The following CADPS variants were observed in gnomAD, a reference collection of about 807,000 sequenced individuals.
The protein encoded by CADPS is calcium-dependent secretion activator 1.
In CADPS, 57 loss-of-function variants were observed where a neutral mutation model predicts 167.3. That is an observed-to-expected ratio of 0.34 (90% CI 0.28 to 0.42). CADPS has a LOEUF of 0.42. Among genes scored for constraint, CADPS ranks in the 20% least tolerant of loss-of-function variants. The probability of loss-of-function intolerance (pLI) is 1.00; values close to 1 mark genes in which losing one functional copy is unlikely to be tolerated. For synonymous variants in CADPS, 676 were observed against 635.3 expected, an observed-to-expected ratio of 1.06 and a Z score of -0.96; for missense variants, 1,414 against 1,738.1, an observed-to-expected ratio of 0.81 and a Z score of 3.32.
intron 3 of CADPS, among the ~76,000 whole-genome samples, chr3:62,670,622 T>C (rs1376131112): frequency 6.6e-6 from 1 of 151,954 alleles, no homozygotes; most frequent in Non-Finnish European, 1.5e-5. Flanking sequence ...GGCAATGCAG[T>C]AAATATAACC....
At chr3:62,694,276 T>C (rs565248914) in intron 3 of CADPS, among the ~76,000 whole-genome samples, 1 of 152,168 alleles carries the variant, frequency 6.6e-6, no homozygotes, top group South Asian at 2.1e-4. Flanking sequence ...GATAAATCTA[T>C]GTTTAACTGA....
In CADPS at chr3:62,481,759, G is replaced by T; in HGVS notation, c.3137C>A (p.Ser1046Ter). ...TATAGCAGCCATCCATGACGGTGCC[G>T]AAAAAGTAGGCATTTGTGGGATGCC... is the stretch of plus-strand genomic sequence containing the variant. ...PLGIPQMPTF[S>*]APSWMAAIYD... Residue 1046 changes from serine to a stop codon, truncating the protein, a stop_gained, in exon 22 of 30, where the codon TCG becomes TAG. Transcript: ENST00000383710. LOFTEE classifies it high-confidence loss of function. 6.2e-7 allele frequency: 1 copy of T among 1,609,060 alleles called. No homozygotes were observed. Among genetic ancestry groups the T allele is most frequent in the Non-Finnish European group, 8.5e-7 (1 of 1,178,448 alleles).
chr3:62,623,486 C>T (rs949617572), intron 6 of CADPS, among the ~76,000 whole-genome samples: 2 of 152,172 alleles, frequency 1.3e-5, no homozygotes. Flanking sequence ...AGTCCTATCC[C>T]TGGACACCAT....
intron 3 of CADPS, among the ~76,000 whole-genome samples, chr3:62,677,939 G>A (rs1482562235): frequency 6.6e-6 from 1 of 152,028 alleles, no homozygotes; most frequent in African/African-American, 2.4e-5. Context: ...GTGCTTTGGG[G>A]TTTTTTCTCA....
At chr3:62,846,327 T>C (rs2077427419) in intron 1 of CADPS, among the ~76,000 whole-genome samples, 1 of 152,234 alleles carries the variant, frequency 6.6e-6, no homozygotes, top group African/African-American at 2.4e-5. Context: ...AGCAACGTGT[T>C]GTGCTTCCAT....
intron 3 of CADPS, among the ~76,000 whole-genome samples, chr3:62,718,986 T>C (rs1413439437): frequency 6.6e-6 from 1 of 152,188 alleles, no homozygotes; most frequent in African/African-American, 2.4e-5. Flanking sequence ...AGAACATTTT[T>C]CGTGAGGGGA....
intron 1 of CADPS, among the ~76,000 whole-genome samples, chr3:62,779,961 A>G (rs959426967): frequency 2.6e-5 from 4 of 152,238 alleles, no homozygotes; most frequent in African/African-American, 9.6e-5. Flanking sequence ...GCAGTTTCTC[A>G]TCATTGAGAG....
intron 6 of CADPS, among the ~76,000 whole-genome samples, chr3:62,630,246 AAC>A (rs1324635972): frequency 6.6e-6 from 1 of 152,324 alleles, no homozygotes; most frequent in East Asian, 1.9e-4. Flanking sequence ...GGAGAGTTAA[AAC>A]ACATAAACAG....
intron 1 of CADPS, among the ~76,000 whole-genome samples, chr3:62,825,853 A>G (rs1002194270): frequency 2.0e-5 from 3 of 152,004 alleles, no homozygotes; most frequent in African/African-American, 7.2e-5. Context: ...TTTCTCTCCT[A>G]CCCTCAGCCA....
At position 62,492,342 on chromosome 3, in the gene CADPS, T is replaced by A. The variant is rs776356195; in HGVS notation, c.2832A>T (p.Thr944=). 1 of 1,614,034 alleles carries A rather than the reference T, an allele frequency of 6.2e-7. No homozygotes were observed. The highest frequency in any genetic ancestry group is 2.2e-5 in the East Asian group (1 of 44,872). ...DAALEVQPPD[T]WDSFPLFQLL... ...GCTGAAATAGTGGAAAACTGTCCCA[T>A]GTGTCTGGAGGTTGCACCTCTAAGG... The change falls in exon 20 of 30, where the codon ACA becomes ACT. Residue 944 remains threonine (T), a synonymous_variant. Coordinates refer to ENST00000383710, the MANE Select transcript of CADPS (RefSeq NM_003716.4).
At chr3:62,624,745 T>C (rs1579057927) in intron 6 of CADPS, among the ~76,000 whole-genome samples, 1 of 152,176 alleles carries the variant, frequency 6.6e-6, no homozygotes, top group East Asian at 1.9e-4. Flanking sequence ...ATTTGTAAAG[T>C]GGGAATGATA....
At chr3:62,487,332 G>A (rs1444979257) in intron 21 of CADPS, among the ~76,000 whole-genome samples, 8 of 152,204 alleles carry the variant, frequency 5.3e-5, no homozygotes, top group African/African-American at 1.9e-4. Flanking sequence ...AGCTAACACT[G>A]AAGAGCTGAT....
At chr3:62,689,320 A>C (rs1205438832) in intron 3 of CADPS, among the ~76,000 whole-genome samples, 1 of 152,106 alleles carries the variant, frequency 6.6e-6, no homozygotes, top group African/African-American at 2.4e-5. Context: ...GGAAATGTGA[A>C]TCTAAAGAGA....
chr3:62,575,740 TC>T (rs911210718), intron 8 of CADPS, among the ~76,000 whole-genome samples: 3 of 152,206 alleles, frequency 2.0e-5, no homozygotes, highest in Admixed American at 6.5e-5. Context: ...AACTTTGGTT[TC>T]TTTTTTTGAA....
chr3:62,731,358 T>C (rs927923986), intron 3 of CADPS, among the ~76,000 whole-genome samples: 2 of 152,248 alleles, frequency 1.3e-5, no homozygotes, highest in Admixed American at 6.5e-5. Flanking sequence ...GGTGTAAGGC[T>C]GCTGCCTACT....
chr3:62,611,368 C>T (rs897539951), intron 6 of CADPS, among the ~76,000 whole-genome samples: 5 of 152,212 alleles, frequency 3.3e-5, no homozygotes, highest in Admixed American at 6.5e-5. Flanking sequence ...ACCACTTACA[C>T]TCATTCCACC....
chr3:62,403,049 T>C, intron 29 of CADPS, 32 bp downstream of exon 29: 2 of 1,367,978 alleles, frequency 1.5e-6, no homozygotes, highest in Non-Finnish European at 1.0e-6. Context: ...AGTAAGCTAT[T>C]TGCAAAGAAG....
intron 28 of CADPS, among the ~76,000 whole-genome samples, chr3:62,408,913 T>C (rs1474836423): frequency 1.3e-5 from 2 of 152,222 alleles, no homozygotes; most frequent in Non-Finnish European, 2.9e-5. Flanking sequence ...CTTTAGAGTC[T>C]ACTGTTTTCA....
chr3:62,588,320 A>C (rs2085133371), intron 7 of CADPS, among the ~76,000 whole-genome samples: 1 of 141,998 alleles, frequency 7.0e-6, no homozygotes. Flanking sequence ...TTTTCCTAGC[A>C]GAACACTTCC....
Sources: allele counts gnomAD v4.1 joint callset (sites outside exome capture counted in the v4.1 genomes callset), GRCh38; gene constraint gnomAD v4.1.1; transcripts MANE v1.5; gene names NCBI Gene and HGNC (gene_info 2026-07-23, HGNC 2026-07-21).